Variants in ARSG observed in about 807,000 individuals in gnomAD.
ARSG encodes arylsulfatase G, also known as ASG.
A neutral mutation model predicts 50.5 loss-of-function variants in ARSG; 37 were observed. The ratio of observed to expected loss-of-function variants is 0.73; its 90% CI spans 0.56 to 0.96. The LOEUF (loss-of-function observed/expected upper bound fraction) is 0.96, where lower values mean the gene tolerates loss of function less well. Ranked by LOEUF, ARSG falls within the 50% of genes least tolerant of loss-of-function variation. The pLI is 0.00. For missense variants in ARSG, 629 were observed against 675.3 expected, an observed-to-expected ratio of 0.93 and a Z score of 0.76; for synonymous variants, 225 against 254.6, an observed-to-expected ratio of 0.88 and a Z score of 1.11.
intron 1 of ARSG, chr17:68,278,330 G>A: frequency 6.2e-7 from 1 of 1,600,764 alleles, no homozygotes; most frequent in Non-Finnish European, 8.5e-7. Flanking sequence ...TTCTTAATCT[G>A]AAAGAAAAAG....
At chr17:68,305,609 T>C (rs2076576774) in intron 1 of ARSG, among the ~76,000 whole-genome samples, 1 of 152,208 alleles carries the variant, frequency 6.6e-6, no homozygotes, top group Admixed American at 6.5e-5. Context: ...AAGGGACACA[T>C]TTCCATGAAA....
the ARSG span, among the ~76,000 whole-genome samples, chr17:68,434,130 G>A: frequency 6.6e-6 from 1 of 152,156 alleles, no homozygotes; most frequent in Non-Finnish European, 1.5e-5. Flanking sequence ...GCAGAAGGGA[G>A]GAACTGTGCC....
rs113334241 is a variant in ARSG at position 68,323,375 on chromosome 17, T to C, written c.218+15664T>C. ...TGACTTTACCCCAAAGCCATAGACA[T>C]ACTTAATGAGAGAGAGAGAAAGAAC... On this transcript the variant is annotated intron_variant, in intron 2 of 11. Coordinates refer to ENST00000621439, the MANE Select transcript of ARSG (RefSeq NM_001267727.2). Among the ~76,000 whole-genome samples the C allele has an allele frequency of 3.4e-5, 5 of 144,974 alleles. 1 individual carries two copies. The highest frequency in any genetic ancestry group is 4.4e-4 in the South Asian group (2 of 4,582).
Position 68,271,633 on chromosome 17 carries a change from C to G in ARSG, c.-552+12207C>G. The G allele has an allele frequency of 6.2e-7, 1 of 1,613,018 alleles. No individual in the cohort carries two copies. Among genetic ancestry groups the G allele is most frequent in the Non-Finnish European group, 8.5e-7 (1 of 1,179,084 alleles). ...GAGGAGGCTGTATCTCCAGCCAATG[C>G]GCTCCTTCAGAGCCATGATTGCTTG... On this transcript the variant is annotated intron_variant, in intron 1 of 11. Transcript: ENST00000448504. The surrounding 1 kb of genome is among the most constrained non-coding windows in gnomAD (Gnocchi z 5.3).
At chr17:68,341,590 TC>T (rs1371663588) in intron 2 of ARSG, among the ~76,000 whole-genome samples, 1 of 152,246 alleles carries the variant, frequency 6.6e-6, no homozygotes, top group African/African-American at 2.4e-5. Flanking sequence ...CGTATCTCAA[TC>T]CTAGAGCATT....
chr17:68,273,955 A>G lies in ARSG; in HGVS notation c.-552+14529A>G, dbSNP rs782107115. 12 of 1,614,094 alleles carry G rather than the reference A, an allele frequency of 7.4e-6. No homozygotes were observed. In the South Asian group the frequency reaches 1.2e-4, roughly 16 times the overall value. ...AGATGATGCCGATGGCGACGTACAT[A>G]TGAGAAACCTCTTGTGAGAAGGAGG... On this transcript the variant is annotated intron_variant, in intron 1 of 11. Coordinates refer to the ARSG transcript ENST00000448504.
intron 8 of ARSG, among the ~76,000 whole-genome samples, chr17:68,384,163 T>G (rs1413365583): frequency 6.6e-6 from 1 of 152,210 alleles, no homozygotes; most frequent in Admixed American, 6.5e-5. Flanking sequence ...CACACAGCAC[T>G]TGCCTTGGAA....
At chr17:68,431,485 G>C in the ARSG span, among the ~76,000 whole-genome samples, 1 of 152,130 alleles carries the variant, frequency 6.6e-6, no homozygotes, top group Non-Finnish European at 1.5e-5. Context: ...CTGACTCAGG[G>C]GGACGGGAGG....
At chr17:68,336,945 CAGG>C (rs2078050133) in intron 2 of ARSG, among the ~76,000 whole-genome samples, 1 of 152,150 alleles carries the variant, frequency 6.6e-6, no homozygotes, top group East Asian at 1.9e-4. Context: ...ACAGGAAGAT[CAGG>C]CTCCTGTAAT....
chr17:68,346,216 T>C (rs1195295425), intron 3 of ARSG, among the ~76,000 whole-genome samples: 1 of 152,164 alleles, frequency 6.6e-6, no homozygotes, highest in Non-Finnish European at 1.5e-5. Context: ...ATTAATCTTT[T>C]TTTTCAATCC....
chr17:68,428,682 A>G, the ARSG span: 1 of 629,158 alleles, frequency 1.6e-6, no homozygotes, highest in Admixed American at 2.5e-5. Flanking sequence ...CCCGGTGCAG[A>G]GCACTTGCCC....
intron 1 of ARSG, chr17:68,269,002 T>C: frequency 1.3e-6 from 2 of 1,561,452 alleles, no homozygotes; most frequent in Non-Finnish European, 1.7e-6. Flanking sequence ...GAAAGTGGAG[T>C]AGAGGGGTTA....
chr17:68,421,839 A>G, downstream of ARSG: 1 of 1,614,126 alleles, frequency 6.2e-7, no homozygotes, highest in Non-Finnish European at 8.5e-7. Context: ...ATCAAAACAG[A>G]ATGGCCTTAC....
At chr17:68,312,876 A>G (rs2145701253) in intron 2 of ARSG, among the ~76,000 whole-genome samples, 1 of 152,258 alleles carries the variant, frequency 6.6e-6, no homozygotes, top group Admixed American at 6.5e-5. Flanking sequence ...CGCTCAAGCC[A>G]CCACGCCCGG....
intron 1 of ARSG, among the ~76,000 whole-genome samples, chr17:68,269,695 CAG>C (rs1240742100): frequency 4.1e-5 from 1 of 24,130 alleles, no homozygotes; most frequent in African/African-American, 6.0e-4. Context: ...TTTTTTTAGA[CAG>C]AGTTTTATTC....
chr17:68,398,339 A>C (rs1187474574), intron 10 of ARSG, among the ~76,000 whole-genome samples: 3 of 152,236 alleles, frequency 2.0e-5, no homozygotes, highest in Admixed American at 6.5e-5. Flanking sequence ...ATGTCCAGGC[A>C]CATAAATAGA....
chr17:68,301,240 A>C (rs1419874177), intron 1 of ARSG, among the ~76,000 whole-genome samples: 2 of 152,086 alleles, frequency 1.3e-5, no homozygotes, highest in Admixed American at 1.3e-4. Context: ...TGGCCCCTAC[A>C]CTCTAAGAAA....
intron 5 of ARSG, among the ~76,000 whole-genome samples, chr17:68,353,000 T>C (rs1412503408): frequency 6.6e-6 from 1 of 152,078 alleles, no homozygotes; most frequent in African/African-American, 2.4e-5. Flanking sequence ...TCTGAGCCAC[T>C]TGGGAAAGGT....
intron 1 of ARSG, chr17:68,274,342 T>A: frequency 3.8e-6 from 1 of 263,576 alleles, no homozygotes; most frequent in East Asian, 7.3e-5. Flanking sequence ...GGTGTGCACC[T>A]GTAGTCCCAG....
Sources: allele counts gnomAD v4.1 joint callset (sites outside exome capture counted in the v4.1 genomes callset), GRCh38; gene constraint gnomAD v4.1.1; non-coding constraint Gnocchi (gnomAD v3.1); transcripts MANE v1.5; gene names NCBI Gene and HGNC (gene_info 2026-07-23, HGNC 2026-07-21).